The following C10orf67 variants were observed in gnomAD, a reference collection of about 807,000 sequenced individuals.
C10orf67 encodes the protein chromosome 10 open reading frame 67.
In C10orf67, 60 loss-of-function variants were observed where a neutral mutation model predicts 35.6. That is an observed-to-expected ratio of 1.68 (90% confidence interval 1.37 to 2.09). The LOEUF is 2.09. C10orf67 is among the 30% of genes most tolerant of loss of function. The pLI, the probability that C10orf67 is intolerant of heterozygous loss-of-function variation, is 0.00. For missense variants in C10orf67, 474 were observed against 330.2 expected, an observed-to-expected ratio of 1.44 and a Z score of -3.38; for synonymous variants, 167 against 115.8, an observed-to-expected ratio of 1.44 and a Z score of -2.84.
chr10:23,215,328 C>A (rs1192508702), intron 15 of C10orf67, among the ~76,000 whole-genome samples: 1 of 150,774 alleles, frequency 6.6e-6, no homozygotes, highest in Non-Finnish European at 1.5e-5. Flanking sequence ...GAGCCTCACT[C>A]TTTTGCCCAG....
intron 10 of C10orf67, among the ~76,000 whole-genome samples, chr10:23,262,210 C>T (rs1186145741): frequency 2.6e-5 from 4 of 152,224 alleles, no homozygotes; most frequent in Non-Finnish European, 5.9e-5. Flanking sequence ...CTCAGCCTTC[C>T]GGGGAAAAGA....
intron 13 of C10orf67, among the ~76,000 whole-genome samples, chr10:23,235,427 T>G (rs1171119314): frequency 6.6e-6 from 1 of 152,182 alleles, no homozygotes; most frequent in Non-Finnish European, 1.5e-5. Context: ...AATACATATA[T>G]CTGACAAAGG....
chr10:23,205,659 A>G (rs965757221), intron 15 of C10orf67, among the ~76,000 whole-genome samples: 4 of 152,226 alleles, frequency 2.6e-5, no homozygotes, highest in African/African-American at 9.6e-5. Context: ...TGTCCTGAAC[A>G]ATCTGGGAAA....
chr10:23,212,495 A>G (rs1173800342), intron 15 of C10orf67, among the ~76,000 whole-genome samples: 1 of 152,190 alleles, frequency 6.6e-6, no homozygotes, highest in African/African-American at 2.4e-5. Context: ...TCACTTCTTG[A>G]AGGCAGAAGC....
At chr10:23,298,967 A>C (rs1197674324) in intron 5 of C10orf67, among the ~76,000 whole-genome samples, 1 of 152,226 alleles carries the variant, frequency 6.6e-6, no homozygotes, top group Non-Finnish European at 1.5e-5. Context: ...GGGGTAAAAC[A>C]GTCCAGGTGA....
chr10:23,343,966 T>G, intron 1 of C10orf67: 1 of 464,144 alleles, frequency 2.2e-6, no homozygotes, highest in Non-Finnish European at 4.5e-6. Flanking sequence ...CTTCCGGCCC[T>G]CCTCTGTCTC....
At chr10:23,341,839 A>C (rs1845899961) in intron 1 of C10orf67, among the ~76,000 whole-genome samples, 1 of 151,862 alleles carries the variant, frequency 6.6e-6, no homozygotes, top group Admixed American at 6.6e-5. Context: ...CCCCAGTGTC[A>C]TTTTCTCAGT....
At chr10:23,224,331 G>A (rs1841672539) in intron 13 of C10orf67, among the ~76,000 whole-genome samples, 1 of 152,142 alleles carries the variant, frequency 6.6e-6, no homozygotes, top group Admixed American at 6.5e-5. Flanking sequence ...AGTGTTAGAA[G>A]GAAAACGAAC....
At chr10:23,291,677 G>A (rs1843723892) in intron 5 of C10orf67, among the ~76,000 whole-genome samples, 1 of 152,174 alleles carries the variant, frequency 6.6e-6, no homozygotes, top group Non-Finnish European at 1.5e-5. Flanking sequence ...GCAGCGCCAG[G>A]GGGTGGCAGA....
At chr10:23,250,806 C>T (rs1163454682) in intron 10 of C10orf67, 115 bp from the exon 11 acceptor site, 2 of 395,338 alleles carry the variant, frequency 5.1e-6, no homozygotes. Flanking sequence ...TACTATCAAA[C>T]ATAATTTGAG....
intron 15 of C10orf67, among the ~76,000 whole-genome samples, chr10:23,213,451 G>T (rs1279162624): frequency 6.6e-6 from 1 of 152,058 alleles, no homozygotes; most frequent in African/African-American, 2.4e-5. Context: ...TTGGAAAATT[G>T]ACACCAGACT....
chr10:23,277,035 T>G (rs1226676653), intron 8 of C10orf67, among the ~76,000 whole-genome samples: 1 of 152,134 alleles, frequency 6.6e-6, no homozygotes, highest in African/African-American at 2.4e-5. Flanking sequence ...TCTCAACATG[T>G]GGTCCAAGGA....
chr10:23,253,222 G>A (rs1842508148), intron 10 of C10orf67, among the ~76,000 whole-genome samples: 1 of 152,178 alleles, frequency 6.6e-6, no homozygotes, highest in Non-Finnish European at 1.5e-5. Flanking sequence ...ATTTGAGAGA[G>A]GGGTTGATCC....
chr10:23,259,878 GA>G (rs983894707), intron 10 of C10orf67, among the ~76,000 whole-genome samples: 9 of 151,892 alleles, frequency 5.9e-5, no homozygotes, highest in Non-Finnish European at 1.0e-4. Flanking sequence ...CTGAAACAAA[GA>G]AAAAAAGTAG....
chr10:23,229,318 C>G (rs1369950289), intron 13 of C10orf67, among the ~76,000 whole-genome samples: 1 of 151,114 alleles, frequency 6.6e-6, no homozygotes, highest in East Asian at 2.0e-4. Context: ...TCATTCTCAG[C>G]AAACTATCAC....
chr10:23,287,072 T>C (rs562955659), intron 7 of C10orf67, among the ~76,000 whole-genome samples: 1 of 152,360 alleles, frequency 6.6e-6, no homozygotes, highest in Non-Finnish European at 1.5e-5. Flanking sequence ...ATAGATTCAA[T>C]GCTATTTCCA....
chr10:23,233,952 C>A (rs891487762), intron 13 of C10orf67, among the ~76,000 whole-genome samples: 4 of 152,192 alleles, frequency 2.6e-5, no homozygotes. Context: ...TCACACATGT[C>A]ACCTATGTTG....
chr10:23,250,141 C>A (rs1842412016), intron 12 of C10orf67, among the ~76,000 whole-genome samples: 1 of 152,042 alleles, frequency 6.6e-6, no homozygotes, highest in Non-Finnish European at 1.5e-5. Flanking sequence ...TGCAAATGAG[C>A]AGGAAAAGGT....
chr10:23,224,163 A>G (rs2132108181), intron 13 of C10orf67, among the ~76,000 whole-genome samples: 1 of 152,306 alleles, frequency 6.6e-6, no homozygotes, highest in Middle Eastern at 3.4e-3. Context: ...ATGGCTGGGT[A>G]CCCCTCTGAG....
Sources: allele counts gnomAD v4.1 joint callset (sites outside exome capture counted in the v4.1 genomes callset), GRCh38; gene constraint gnomAD v4.1.1; transcripts MANE v1.5; gene names NCBI Gene and HGNC (gene_info 2026-07-23, HGNC 2026-07-21).